Variants in SEC22A observed in about 807,000 individuals in gnomAD.
SEC22A encodes SEC22 homolog A, vesicle trafficking protein.
Under a neutral mutation model 35.3 loss-of-function variants are expected in SEC22A, and 22 were observed. The ratio of observed to expected loss-of-function variants is 0.62; its 90% CI spans 0.45 to 0.89. The LOEUF is 0.89. Among genes scored for constraint, SEC22A ranks in the 40% least tolerant of loss-of-function variants. SEC22A has a pLI of 0.00. For missense variants in SEC22A, 354 were observed against 362.5 expected (o/e 0.98, Z 0.19); for synonymous variants, 119 against 129.5 (o/e 0.92, Z 0.55).
chr3:123,229,874 T>A (rs200635106), intron 4 of SEC22A, among the ~76,000 whole-genome samples: 4,907 of 112,448 alleles, frequency 0.044, 105 homozygotes, highest in African/African-American at 0.071. Flanking sequence ...AAAAAAAAAA[T>A]AAATAATAAT....
intron 2 of SEC22A, among the ~76,000 whole-genome samples, chr3:123,210,791 G>A (rs1936929215): frequency 6.6e-6 from 1 of 152,184 alleles, no homozygotes; most frequent in Non-Finnish European, 1.5e-5. Flanking sequence ...GGGCTTCGTT[G>A]TTGAGATGAG....
At chr3:123,216,959 T>C (rs2108037939) in intron 2 of SEC22A, among the ~76,000 whole-genome samples, 1 of 152,220 alleles carries the variant, frequency 6.6e-6, no homozygotes, top group South Asian at 2.1e-4. Context: ...CCTGAGTAGC[T>C]GTGACTATGG....
At chr3:123,219,308 G>A (rs970537098) in intron 2 of SEC22A, among the ~76,000 whole-genome samples, 1 of 152,148 alleles carries the variant, frequency 6.6e-6, no homozygotes, top group African/African-American at 2.4e-5. Flanking sequence ...TGTAATACAG[G>A]TTCCAAAACT....
intron 5 of SEC22A, among the ~76,000 whole-genome samples, chr3:123,257,786 C>T (rs1038685586): frequency 6.6e-6 from 1 of 151,850 alleles, no homozygotes; most frequent in Non-Finnish European, 1.5e-5. Flanking sequence ...GTCAGGAGAT[C>T]GAGACCATCC....
intron 2 of SEC22A, among the ~76,000 whole-genome samples, chr3:123,210,269 G>A (rs764857268): frequency 2.6e-5 from 4 of 152,202 alleles, no homozygotes; most frequent in Non-Finnish European, 4.4e-5. Context: ...GGTGCTGATT[G>A]TAACGAGCTA....
chr3:123,236,062 G>A (rs902367759), intron 4 of SEC22A, among the ~76,000 whole-genome samples: 1 of 152,186 alleles, frequency 6.6e-6, no homozygotes, highest in Non-Finnish European at 1.5e-5. Context: ...GAAATAGGCA[G>A]TGACTACTAA....
intron 4 of SEC22A, among the ~76,000 whole-genome samples, chr3:123,228,623 GCA>G (rs1491207715): frequency 6.6e-6 from 1 of 151,380 alleles, no homozygotes; most frequent in Non-Finnish European, 1.5e-5. Flanking sequence ...CACACTGTGG[GCA>G]TGGGGTAGAG....
At position 123,273,780 on chromosome 3, in the gene SEC22A, G is replaced by A. The variant is rs968579350; in HGVS notation, c.*2058G>A. On this transcript the variant is annotated 3_prime_UTR_variant, in exon 7 of 7. Coordinates refer to ENST00000492595, the MANE Select transcript of SEC22A (RefSeq NM_012430.5). ...GCCAAGATCACGCCACTGTACTCCA[G>A]CCTGGCCAACAGAGCGAGACTCTGT... 1 of 151,924 alleles carries A rather than the reference G, an allele frequency of 6.6e-6. No individual in the cohort carries two copies. Among genetic ancestry groups the A allele is most frequent in the South Asian group, 2.1e-4 (1 of 4,824 alleles). The allele number at this position is 151,924 out of a possible 1,614,324, so 9.4% of individuals were successfully genotyped here. A position where few individuals can be genotyped will look rare whatever the true frequency, so the allele number is the denominator to read the frequency against.
intron 2 of SEC22A, among the ~76,000 whole-genome samples, chr3:123,218,022 C>T (rs9868971): frequency 0.2 from 29,988 of 152,018 alleles, 3,069 homozygotes; most frequent in Middle Eastern, 0.28. Context: ...AAAATTTCTT[C>T]GACAGTTTGT....
At chr3:123,237,931 G>A (rs947000789) in intron 4 of SEC22A, among the ~76,000 whole-genome samples, 15 of 152,078 alleles carry the variant, frequency 9.9e-5, no homozygotes, top group South Asian at 6.2e-4. Context: ...GTGGGAGGAT[G>A]GTTTGAGCCT....
chr3:123,211,070 C>T (rs1936933952), intron 2 of SEC22A, among the ~76,000 whole-genome samples: 1 of 152,076 alleles, frequency 6.6e-6, no homozygotes, highest in African/African-American at 2.4e-5. Flanking sequence ...AGCTGTGCTG[C>T]AGGTTCAAGG....
intron 4 of SEC22A, among the ~76,000 whole-genome samples, chr3:123,242,595 TTCAG>T (rs1937534158): frequency 6.6e-6 from 1 of 152,200 alleles, no homozygotes; most frequent in Non-Finnish European, 1.5e-5. Flanking sequence ...AGGCCCTGAT[TTCAG>T]TCAGTCTTTT....
At chr3:123,245,229 A>G (rs1396801304) in intron 4 of SEC22A, among the ~76,000 whole-genome samples, 1 of 152,212 alleles carries the variant, frequency 6.6e-6, no homozygotes. Context: ...TTTCAGAAAA[A>G]GTAGGATTAT....
At chr3:123,203,960 C>G (rs189152465) in intron 1 of SEC22A, among the ~76,000 whole-genome samples, 73 of 152,266 alleles carry the variant, frequency 4.8e-4, no homozygotes, top group African/African-American at 1.7e-3. Flanking sequence ...ATAGGAATGT[C>G]GAACACTGCT....
chr3:123,226,223 G>C (rs982428545), intron 4 of SEC22A, among the ~76,000 whole-genome samples: 1 of 152,128 alleles, frequency 6.6e-6, no homozygotes, highest in African/African-American at 2.4e-5. Context: ...TAGCAGTGGG[G>C]TTGCTGGATT....
At chr3:123,259,245 G>A (rs1036545994) in intron 5 of SEC22A, among the ~76,000 whole-genome samples, 7 of 152,036 alleles carry the variant, frequency 4.6e-5, no homozygotes, top group East Asian at 1.9e-4. Flanking sequence ...GGCTTTTATC[G>A]TTATGTCAGA....
intron 6 of SEC22A, among the ~76,000 whole-genome samples, chr3:123,270,747 G>A (rs1938141187): frequency 6.6e-6 from 1 of 152,112 alleles, no homozygotes; most frequent in Non-Finnish European, 1.5e-5. Context: ...TGCCAGGATG[G>A]GCAGGAGCGG....
At chr3:123,253,712 CAAAAA>C (rs550562079) in intron 5 of SEC22A, among the ~76,000 whole-genome samples, 1 of 103,224 alleles carries the variant, frequency 9.7e-6, no homozygotes, top group Non-Finnish European at 2.1e-5. Flanking sequence ...GACTCCATCT[CAAAAA>C]AAAAAAAAAA....
intron 3 of SEC22A, 96 bp downstream of exon 3, chr3:123,223,818 C>A: frequency 2.4e-6 from 2 of 840,342 alleles, no homozygotes; most frequent in Non-Finnish European, 3.6e-6. Context: ...CTTCTGCTAT[C>A]TTGCTTTTGA....
Sources: allele counts gnomAD v4.1 joint callset (sites outside exome capture counted in the v4.1 genomes callset), GRCh38; gene constraint gnomAD v4.1.1; transcripts MANE v1.5; gene names NCBI Gene and HGNC (gene_info 2026-07-23, HGNC 2026-07-21).